POFUT3: variants seen among roughly 807,000 people sequenced by gnomAD.
The protein encoded by POFUT3 is GDP-fucose protein O-fucosyltransferase 3.
chr8:33,389,215 A>C, the POFUT3 span: 6 of 1,614,034 alleles, frequency 3.7e-6, no homozygotes, highest in Non-Finnish European at 5.1e-6. Context: ...CAAGAATAGC[A>C]CTTTTGTTAC....
At chr8:33,433,561 G>A in the POFUT3 span, among the ~76,000 whole-genome samples, 3 of 149,766 alleles carry the variant, frequency 2.0e-5, no homozygotes, top group African/African-American at 7.4e-5. Flanking sequence ...GCAGTGAGGG[G>A]AGATTGTGCC....
At chr8:33,390,643 A>C in the POFUT3 span, among the ~76,000 whole-genome samples, 2 of 152,178 alleles carry the variant, frequency 1.3e-5, no homozygotes, top group South Asian at 4.1e-4. Flanking sequence ...GATTTCAGCA[A>C]AGTGCAGTTA....
the POFUT3 span, among the ~76,000 whole-genome samples, chr8:33,381,825 T>G: frequency 6.6e-6 from 1 of 152,122 alleles, no homozygotes; most frequent in African/African-American, 2.4e-5. Context: ...AGATCTCTCA[T>G]TTTAGAGAAT....
chr8:33,416,079 T>G, the POFUT3 span, among the ~76,000 whole-genome samples: 15 of 152,372 alleles, frequency 9.8e-5, 1 homozygote, highest in African/African-American at 3.6e-4. Flanking sequence ...AATGTTGCAT[T>G]ATTGCATCCA....
chr8:33,316,069 A>C, the POFUT3 span, among the ~76,000 whole-genome samples: 10 of 152,148 alleles, frequency 6.6e-5, no homozygotes, highest in African/African-American at 9.7e-5. Context: ...AGTGCTAATT[A>C]AGAAACAATG....
the POFUT3 span, among the ~76,000 whole-genome samples, chr8:33,357,397 A>T: frequency 2.0e-5 from 3 of 151,940 alleles, no homozygotes; most frequent in Non-Finnish European, 2.9e-5. Flanking sequence ...TTAGGGGCCT[A>T]TTAGCCCAAG....
At chr8:33,441,083 C>A in the POFUT3 span, among the ~76,000 whole-genome samples, 15 of 152,054 alleles carry the variant, frequency 9.9e-5, no homozygotes, top group Non-Finnish European at 1.2e-4. Flanking sequence ...GTAATCCCAG[C>A]ACTTTGGGAG....
the POFUT3 span, among the ~76,000 whole-genome samples, chr8:33,401,135 A>G: frequency 4.5e-4 from 68 of 152,024 alleles, no homozygotes; most frequent in African/African-American, 1.5e-3. Flanking sequence ...GGTGCATGCC[A>G]CCATGCCCGG....
the POFUT3 span, among the ~76,000 whole-genome samples, chr8:33,315,592 C>T: frequency 6.6e-6 from 1 of 151,960 alleles, no homozygotes; most frequent in Non-Finnish European, 1.5e-5. Flanking sequence ...TGGAGACAAC[C>T]AATCTGAAGA....
the POFUT3 span, among the ~76,000 whole-genome samples, chr8:33,465,318 AAGGT>A: frequency 1.3e-5 from 2 of 151,998 alleles, no homozygotes; most frequent in African/African-American, 4.8e-5. Context: ...AAAAGTAGGC[AAGGT>A]AGGTATTATT....
At chr8:33,367,070 C>T in the POFUT3 span, among the ~76,000 whole-genome samples, 11 of 152,004 alleles carry the variant, frequency 7.2e-5, no homozygotes, top group Non-Finnish European at 1.3e-4. Context: ...AAGGAGAAGC[C>T]CTGTCTCTAC....
the POFUT3 span, among the ~76,000 whole-genome samples, chr8:33,320,693 A>G: frequency 4.7e-4 from 71 of 152,226 alleles, no homozygotes; most frequent in African/African-American, 1.5e-3. Flanking sequence ...GTTGATGTCA[A>G]TTAAAGACTG....
At chr8:33,317,119 C>A in the POFUT3 span, among the ~76,000 whole-genome samples, 1 of 152,096 alleles carries the variant, frequency 6.6e-6, no homozygotes, top group Non-Finnish European at 1.5e-5. Context: ...AATAAATGAG[C>A]AACCTGATAA....
the POFUT3 span, among the ~76,000 whole-genome samples, chr8:33,319,192 T>A: frequency 4.7e-5 from 3 of 63,204 alleles, no homozygotes; most frequent in African/African-American, 1.4e-4. Context: ...AAAATATATT[T>A]ATATATTTTA....
At chr8:33,453,112 T>A in the POFUT3 span, 74 of 1,117,158 alleles carry the variant, frequency 6.6e-5, no homozygotes, top group South Asian at 1.0e-3. Flanking sequence ...GGTGTCAAAG[T>A]GTTTTCAAGG....
the POFUT3 span, among the ~76,000 whole-genome samples, chr8:33,355,307 C>T: frequency 1.0e-3 from 158 of 152,266 alleles, no homozygotes; most frequent in African/African-American, 3.6e-3. Flanking sequence ...TTGTAAAGAA[C>T]TCATATTTAT....
the POFUT3 span, among the ~76,000 whole-genome samples, chr8:33,314,700 C>G: frequency 6.6e-6 from 1 of 152,152 alleles, no homozygotes; most frequent in Non-Finnish European, 1.5e-5. Context: ...AGATTACTTG[C>G]TCTCTGTTTT....
At chr8:33,456,022 G>C in the POFUT3 span, 2 of 317,250 alleles carry the variant, frequency 6.3e-6, no homozygotes, top group Admixed American at 4.1e-5. Context: ...TAGAGCAGCA[G>C]AGCCATCACT....
chr8:33,320,993 G>A, the POFUT3 span, among the ~76,000 whole-genome samples: 19 of 152,010 alleles, frequency 1.2e-4, no homozygotes, highest in Admixed American at 1.2e-3. Flanking sequence ...TTAGACGCTA[G>A]CTACCACCAT....
Sources: gnomAD v4.1 joint callset for allele counts (sites outside exome capture counted in the v4.1 genomes callset) on GRCh38, gnomAD v4.1.1 for gene constraint, MANE v1.5 for transcripts, NCBI Gene and HGNC (gene_info 2026-07-23, HGNC 2026-07-21) for gene names.